DSG4: variants seen among roughly 807,000 people sequenced by gnomAD.
DSG4 encodes the protein desmoglein-4.
In DSG4, 87 loss-of-function variants were observed where a neutral mutation model predicts 93.1. The ratio of observed to expected loss-of-function variants is 0.93; its 90% CI spans 0.79 to 1.12. The LOEUF is 1.12. Among genes scored for constraint, DSG4 ranks in the 50% most tolerant of loss-of-function variants. The pLI, the probability that DSG4 is intolerant of heterozygous loss-of-function variation, is 0.00. For synonymous variants in DSG4, 432 were observed against 452.9 expected, an observed-to-expected ratio of 0.95 and a Z score of 0.59; for missense variants, 1,373 against 1,285.7, an observed-to-expected ratio of 1.07 and a Z score of -1.04.
Position 31,386,754 on chromosome 18 carries a change from T to C in DSG4, c.151T>C (p.Trp51Arg). The change falls in exon 3 of 16, where the codon TGG becomes CGG. Residue 51 changes from tryptophan to arginine, a missense_variant. Physicochemically the swap from Trp to Arg is moderately radical, Grantham distance 101. Coordinates refer to ENST00000308128, the MANE Select transcript of DSG4 (RefSeq NM_177986.5). The part of the protein sequence containing the change: ...WQTVRRQKRE[W>R]IKFAAACREG... ...AACAGTCAGAAGACAAAAGCGGGAG[T>C]GGATCAAGTTTGCCGCAGCCTGTCG... 6.2e-7 allele frequency: 1 copy of C among 1,612,988 alleles called. No individual in the cohort carries two copies. Among genetic ancestry groups the C allele is most frequent in the Non-Finnish European group, 8.5e-7 (1 of 1,179,470 alleles).
intron 3 of DSG4, among the ~76,000 whole-genome samples, chr18:31,388,143 A>G (rs74615251): frequency 2.6e-5 from 4 of 152,124 alleles, no homozygotes; most frequent in African/African-American, 9.7e-5. Flanking sequence ...TATACACATT[A>G]CCTCATGTAA....
chr18:31,391,783 A>T (rs1397372789), intron 7 of DSG4, among the ~76,000 whole-genome samples: 1 of 152,158 alleles, frequency 6.6e-6, no homozygotes, highest in Admixed American at 6.6e-5. Flanking sequence ...AGGGGTTGCA[A>T]CACCAATTCT....
At chr18:31,408,946 A>G (rs1462574718) in intron 12 of DSG4, among the ~76,000 whole-genome samples, 1 of 152,238 alleles carries the variant, frequency 6.6e-6, no homozygotes, top group Non-Finnish European at 1.5e-5. Context: ...ATTATAGTCT[A>G]TAAACAAAGT....
intron 1 of DSG4, among the ~76,000 whole-genome samples, chr18:31,381,124 T>C (rs1016969196): frequency 2.6e-5 from 4 of 152,224 alleles, no homozygotes; most frequent in African/African-American, 9.6e-5. Flanking sequence ...AATGAATGAA[T>C]GGATTTAGTT....
chr18:31,405,738 G>T (rs1365372474), intron 11 of DSG4, among the ~76,000 whole-genome samples: 1 of 151,872 alleles, frequency 6.6e-6, no homozygotes, highest in Non-Finnish European at 1.5e-5. Context: ...ATATATATTA[G>T]CCAGGCATGG....
At chr18:31,400,799 T>G in intron 9 of DSG4, 82 bp from the exon 10 acceptor site, 1 of 1,432,874 alleles carries the variant, frequency 7.0e-7, no homozygotes, top group Non-Finnish European at 9.7e-7. Flanking sequence ...ATATTAAAGT[T>G]TGCCACATTG....
Position 31,386,707 on chromosome 18 carries a change from A to G in DSG4, c.104A>G (p.Glu35Gly). 1.9e-6 allele frequency: 3 copies of G among 1,613,322 alleles called. No homozygotes were observed. Among genetic ancestry groups the G allele is most frequent in the Non-Finnish European group, 2.5e-6 (3 of 1,179,356 alleles). ...CTTAAGGTGAAGGAATTTGACATTGAAAATGGCACTACAAAATGGCAAACA... is the reference window on the plus strand; with the variant it reads ...CTTAAGGTGAAGGAATTTGACATTGGAAATGGCACTACAAAATGGCAAACA... ...FIVEVKEFDI[E>G]NGTTKWQTVR... The change falls in exon 3 of 16, where the codon GAA (glutamate) becomes GGA (glycine). Residue 35 changes from glutamate (E) to glycine (G), a missense_variant. Coordinates refer to ENST00000308128, the MANE Select transcript of DSG4 (RefSeq NM_177986.5).
At position 31,399,776 on chromosome 18, in the gene DSG4, G is replaced by GT. The variant is rs2072345452; in HGVS notation, c.1277+234dup. 2.0e-5 allele frequency among the ~76,000 whole-genome samples: 3 copies of GT among 152,310 alleles called. No individual in the cohort carries two copies. In the South Asian group the frequency reaches 6.2e-4, roughly 32 times the overall value. ...AAGTAATTGTGTCCAGTGAGTAATT[G>GT]TAAGATCAAAGAGCCTCCTAAATTA... On this transcript the variant is annotated intron_variant, in intron 9 of 15. Coordinates refer to ENST00000308128, the MANE Select transcript of DSG4 (RefSeq NM_177986.5).
intron 14 of DSG4, 99 bp from the exon 15 acceptor site, chr18:31,411,132 C>CG (rs1476584004): frequency 8.1e-6 from 13 of 1,612,272 alleles, no homozygotes; most frequent in South Asian, 1.1e-5. Flanking sequence ...TACGCCTTGC[C>CG]GGGTGGTGGT....
At chr18:31,395,180 T>A (rs1056700971) in intron 8 of DSG4, among the ~76,000 whole-genome samples, 1 of 151,370 alleles carries the variant, frequency 6.6e-6, no homozygotes, top group African/African-American at 2.4e-5. Context: ...ATTATAAATA[T>A]GAAAAAAATT....
chr18:31,394,013 T>C (rs1177104270), intron 8 of DSG4, among the ~76,000 whole-genome samples: 1 of 152,204 alleles, frequency 6.6e-6, no homozygotes, highest in East Asian at 1.9e-4. Flanking sequence ...TGGAAAACAT[T>C]GCTTTGGGCC....
intron 5 of DSG4, among the ~76,000 whole-genome samples, chr18:31,390,270 A>G (rs1357673429): frequency 6.6e-6 from 1 of 151,976 alleles, no homozygotes; most frequent in Non-Finnish European, 1.5e-5. Flanking sequence ...ATTAAACTAT[A>G]ATTTTCCTTA....
rs2072530929 is a variant in DSG4 at position 31,414,186 on chromosome 18, C to A, written c.*591C>A. 1 of 151,914 alleles carries A rather than the reference C, an allele frequency of 6.6e-6. No individual in the cohort carries two copies. The highest frequency in any genetic ancestry group is 2.4e-5 in the African/African-American group (1 of 41,348). The allele number at this position is 151,914 out of a possible 1,614,324, so 9.4% of individuals were successfully genotyped here. ...CTTAATATAATAAGAAAAGAGTTTGCCAACTGAAAGCATGGCTGGAAATGG... is the reference window on the plus strand; with the variant it reads ...CTTAATATAATAAGAAAAGAGTTTGACAACTGAAAGCATGGCTGGAAATGG... On this transcript the variant is annotated 3_prime_UTR_variant, in exon 16 of 16. Coordinates refer to ENST00000308128, the MANE Select transcript of DSG4 (RefSeq NM_177986.5).
intron 1 of DSG4, among the ~76,000 whole-genome samples, chr18:31,377,960 G>A (rs73410248): frequency 0.067 from 10,166 of 152,296 alleles, 349 homozygotes; most frequent in African/African-American, 0.087. Context: ...GTAAGAGACA[G>A]AGAGTAGCTA....
intron 11 of DSG4, among the ~76,000 whole-genome samples, chr18:31,404,110 A>G (rs1301268513): frequency 1.3e-5 from 2 of 152,188 alleles, no homozygotes; most frequent in African/African-American, 4.8e-5. Flanking sequence ...TACAGTAACT[A>G]TGAGTTCAGA....
At chr18:31,403,283 G>A (rs1003177883) in intron 10 of DSG4, 133 bp from the exon 11 acceptor site, 9 of 748,020 alleles carry the variant, frequency 1.2e-5, no homozygotes, top group African/African-American at 5.2e-5. Flanking sequence ...TCACTGAAGC[G>A]GGCAGGAACC....
At chr18:31,382,654 T>C (rs1224116419) in intron 1 of DSG4, among the ~76,000 whole-genome samples, 4 of 152,084 alleles carry the variant, frequency 2.6e-5, no homozygotes, top group Non-Finnish European at 2.9e-5. Flanking sequence ...CTGGGAGTAA[T>C]ACCTGGCAAG....
intron 1 of DSG4, among the ~76,000 whole-genome samples, chr18:31,384,812 G>C (rs752673814): frequency 6.6e-6 from 1 of 152,076 alleles, no homozygotes; most frequent in Non-Finnish European, 1.5e-5. Flanking sequence ...GCTTCATTCT[G>C]CAGAGCCCTT....
At position 31,406,368 on chromosome 18, in the gene DSG4, T is replaced by A. The variant is rs1178018984; in HGVS notation, c.1928T>A (p.Leu643Gln). ...ATGATGGTTCTGGGCATCCTGCTAC[T>A]GATTTGTAAGTACTCAATTAAATCC... is the stretch of plus-strand genomic sequence containing the variant. ...IGMMVLGILL[L>Q]ILAPLLLLLC... Residue 643 changes from leucine to glutamine, a missense_variant, in exon 12 of 16, where the codon CTG becomes CAG. By Grantham distance (113) the Leu-to-Gln change is moderately radical (BLOSUM62 -2). Coordinates refer to ENST00000308128, the MANE Select transcript of DSG4 (RefSeq NM_177986.5). The A allele has an allele frequency of 2.5e-6, 4 of 1,614,078 alleles. No individual in the cohort carries two copies. The highest frequency in any genetic ancestry group is 3.4e-6 in the Non-Finnish European group (4 of 1,180,032).
Sources: gnomAD v4.1 joint callset for allele counts (sites outside exome capture counted in the v4.1 genomes callset) on GRCh38, gnomAD v4.1.1 for gene constraint, MANE v1.5 for transcripts, NCBI Gene and HGNC (gene_info 2026-07-23, HGNC 2026-07-21) for gene names.